The following PSTPIP2 variants were observed in gnomAD, a reference collection of about 807,000 sequenced individuals.
PSTPIP2 encodes the protein proline-serine-threonine phosphatase interacting protein 2, also known as proline-serine-threonine phosphatase-interacting protein 2.
In PSTPIP2, 33 loss-of-function variants were observed where a neutral mutation model predicts 63.3. The ratio of observed to expected loss-of-function variants is 0.52; its 90% CI spans 0.40 to 0.70. PSTPIP2 has a LOEUF of 0.70. PSTPIP2 is among the 30% of genes least tolerant of loss of function. The pLI is 0.00. For missense variants in PSTPIP2, 312 were observed against 400.7 expected (o/e 0.78, Z 1.89); for synonymous variants, 125 against 132.7 (o/e 0.94, Z 0.40).
At chr18:46,040,265 C>G in intron 1 of PSTPIP2, 1 of 416,700 alleles carries the variant, frequency 2.4e-6, no homozygotes, top group Non-Finnish European at 4.3e-6. Context: ...TTCCAGGTAT[C>G]TAGCTAGCCC....
At chr18:46,032,578 A>AC (rs1385843155) in intron 2 of PSTPIP2, among the ~76,000 whole-genome samples, 1 of 151,792 alleles carries the variant, frequency 6.6e-6, no homozygotes, top group East Asian at 1.9e-4. Context: ...AAATGGTGAA[A>AC]CCCCATTTCT....
In PSTPIP2 at chr18:45,991,992, G is replaced by T; in HGVS notation, c.839-9C>A. The T allele has an allele frequency of 6.2e-7, 1 of 1,608,316 alleles. No homozygotes were observed. Among genetic ancestry groups the T allele is most frequent in the Non-Finnish European group, 8.5e-7 (1 of 1,174,906 alleles). On this transcript the variant is annotated splice_polypyrimidine_tract_variant and intron_variant, in intron 11 of 14. Coordinates refer to ENST00000409746, the MANE Select transcript of PSTPIP2 (RefSeq NM_024430.4). ...CTCATACATGATGGGTGCTAGGAGA[G>T]TCACCAAGAAACAGGACATGAAGAG...
intron 1 of PSTPIP2, among the ~76,000 whole-genome samples, chr18:46,044,914 A>G (rs1276330957): frequency 2.0e-5 from 3 of 152,242 alleles, no homozygotes; most frequent in Non-Finnish European, 2.9e-5. Context: ...AAAAATGCTC[A>G]CCATCACTGG....
chr18:46,015,848 GAC>G, intron 4 of PSTPIP2, 53 bp downstream of exon 4: 1 of 1,555,636 alleles, frequency 6.4e-7, no homozygotes, highest in Non-Finnish European at 8.8e-7. Flanking sequence ...TTTGACGACA[GAC>G]ACAGGGCTTG....
intron 1 of PSTPIP2, among the ~76,000 whole-genome samples, chr18:46,063,311 C>T (rs1206688593): frequency 6.6e-6 from 1 of 152,046 alleles, no homozygotes; most frequent in Non-Finnish European, 1.5e-5. Flanking sequence ...AATCATAAGA[C>T]ACATATTGAG....
At chr18:46,068,191 G>A (rs984741262) in intron 1 of PSTPIP2, among the ~76,000 whole-genome samples, 1 of 152,010 alleles carries the variant, frequency 6.6e-6, no homozygotes, top group Non-Finnish European at 1.5e-5. Flanking sequence ...ATTATATTAG[G>A]TATTATAAGC....
intron 12 of PSTPIP2, among the ~76,000 whole-genome samples, chr18:45,991,054 T>G (rs1335659757): frequency 6.6e-6 from 1 of 152,172 alleles, no homozygotes; most frequent in African/African-American, 2.4e-5. Context: ...CTGAGTGCCT[T>G]GAACATCCGC....
chr18:46,035,352 G>A (rs540764344), intron 2 of PSTPIP2, among the ~76,000 whole-genome samples: 6 of 151,430 alleles, frequency 4.0e-5, no homozygotes, highest in South Asian at 2.1e-4. Context: ...CCCGGGAGAC[G>A]GAGGTTGAAG....
chr18:45,998,868 A>G, intron 7 of PSTPIP2, 29 bp from the exon 8 acceptor site: 5 of 1,613,568 alleles, frequency 3.1e-6, no homozygotes, highest in Non-Finnish European at 4.2e-6. Flanking sequence ...AAACAAAAAA[A>G]GAGCAAGCAT....
rs551705452 is a variant in PSTPIP2, at chr18:46,046,830, C to T, written c.34-6783G>A. 5.3e-5 allele frequency among the ~76,000 whole-genome samples: 8 copies of T among 152,330 alleles called. No individual in the cohort carries two copies. In the South Asian group the frequency reaches 1.7e-3, roughly 32 times the overall value. On this transcript the variant is annotated intron_variant, in intron 1 of 14. Transcript: ENST00000409746. ...TTGGCAATGATGGCTTTTGGAAGCCCAGAGAGCCCCACTAGAACAGGGAGG... is the reference window on the plus strand; with the variant it reads ...TTGGCAATGATGGCTTTTGGAAGCCTAGAGAGCCCCACTAGAACAGGGAGG...
At chr18:46,019,556 G>C (rs1163810651) in intron 3 of PSTPIP2, among the ~76,000 whole-genome samples, 1 of 152,056 alleles carries the variant, frequency 6.6e-6, no homozygotes, top group Non-Finnish European at 1.5e-5. Flanking sequence ...ATCCCAGCAC[G>C]TTGCGAGGCC....
Position 46,047,404 on chromosome 18 carries a change from C to A in PSTPIP2, c.34-7357G>T, listed in dbSNP as rs1216553717. Among the ~76,000 whole-genome samples, 6 of 152,286 alleles carry A rather than the reference C, an allele frequency of 3.9e-5. No individual in the cohort carries two copies. In the South Asian group the frequency reaches 1.2e-3, roughly 32 times the overall value. On this transcript the variant is annotated intron_variant, in intron 1 of 14. Transcript: ENST00000409746. ...CTTGGCCAGCACAGTGAAACCTCGT[C>A]TCTACTACAAATGCAAAAATTAGCC... is the stretch of plus-strand genomic sequence containing the variant.
intron 2 of PSTPIP2, among the ~76,000 whole-genome samples, chr18:46,039,313 G>GACT (rs1908100301): frequency 6.6e-6 from 1 of 151,940 alleles, no homozygotes; most frequent in Non-Finnish European, 1.5e-5. Flanking sequence ...GTTCCCCATG[G>GACT]ACTACCATGC....
intron 1 of PSTPIP2, among the ~76,000 whole-genome samples, chr18:46,053,963 T>C (rs1908666090): frequency 6.6e-6 from 1 of 152,214 alleles, no homozygotes. Flanking sequence ...CTGTCATTAT[T>C]TGAACATCAC....
intron 13 of PSTPIP2, among the ~76,000 whole-genome samples, chr18:45,990,482 T>G (rs2051516441): frequency 6.6e-6 from 1 of 152,076 alleles, no homozygotes; most frequent in South Asian, 2.1e-4. Flanking sequence ...CAGGCTGGAG[T>G]GCAGTGGTGC....
intron 1 of PSTPIP2, among the ~76,000 whole-genome samples, chr18:46,046,192 G>T (rs1478210663): frequency 1.3e-5 from 2 of 152,166 alleles, no homozygotes; most frequent in African/African-American, 4.8e-5. Flanking sequence ...ATTCCATGCT[G>T]CAGGGCCTCT....
At chr18:46,025,168 C>T (rs1907533518) in intron 2 of PSTPIP2, among the ~76,000 whole-genome samples, 2 of 152,138 alleles carry the variant, frequency 1.3e-5, no homozygotes, top group Admixed American at 1.3e-4. Flanking sequence ...TAAACATCCT[C>T]CTTCCCCTTC....
intron 6 of PSTPIP2, among the ~76,000 whole-genome samples, chr18:46,003,788 CT>C (rs1313017218): frequency 6.9e-6 from 1 of 145,482 alleles, no homozygotes; most frequent in Non-Finnish European, 1.5e-5. Flanking sequence ...GAGTTTCACT[CT>C]TGTTGCCCAG....
chr18:46,015,897 A>G lies in PSTPIP2; in HGVS notation c.247+6T>C, dbSNP rs1046056293. ...GAATACATTTTTTAAAAAAAAAATC[A>G]CTTACGCTGCTTGAAGACTTCAAGG... On this transcript the variant is annotated splice_donor_region_variant and intron_variant, in intron 4 of 14. Coordinates refer to ENST00000409746, the MANE Select transcript of PSTPIP2 (RefSeq NM_024430.4). 5 of 1,610,588 alleles carry G rather than the reference A, an allele frequency of 3.1e-6. No homozygotes were observed. The Admixed American group carries it at 5.0e-5, about 16-fold the overall frequency.
Sources: gnomAD v4.1 joint callset for allele counts (sites outside exome capture counted in the v4.1 genomes callset) on GRCh38, gnomAD v4.1.1 for gene constraint, MANE v1.5 for transcripts, NCBI Gene and HGNC (gene_info 2026-07-23, HGNC 2026-07-21) for gene names.